The following ARL15 variants were observed in gnomAD, a reference collection of about 807,000 sequenced individuals.
The protein encoded by ARL15 is ADP-ribosylation factor-like protein 15.
Under a neutral mutation model 25.2 loss-of-function variants are expected in ARL15, and 19 were observed. The ratio of observed to expected loss-of-function variants is 0.75; its 90% CI spans 0.53 to 1.10. The LOEUF is 1.10. Among genes scored for constraint, ARL15 ranks in the 50% least tolerant of loss-of-function variants. The pLI, the probability that ARL15 is intolerant of heterozygous loss-of-function variation, is 0.00. For synonymous variants in ARL15, 94 were observed against 86.8 expected (o/e 1.08, Z -0.46); for missense variants, 220 against 246.0 (o/e 0.89, Z 0.71).
At chr5:54,298,682 C>T (rs1040852359) in intron 1 of ARL15, among the ~76,000 whole-genome samples, 1 of 152,090 alleles carries the variant, frequency 6.6e-6, no homozygotes, top group Non-Finnish European at 1.5e-5. Context: ...CCATGACAGC[C>T]CTCTGGCCAA....
intron 1 of ARL15, among the ~76,000 whole-genome samples, chr5:54,205,959 T>TC: frequency 6.6e-6 from 1 of 152,230 alleles, no homozygotes; most frequent in East Asian, 1.9e-4. Context: ...TTGTCCTCCT[T>TC]CCCCCTTATT....
intron 4 of ARL15, among the ~76,000 whole-genome samples, chr5:53,970,078 A>G (rs1044840299): frequency 1.3e-5 from 2 of 152,226 alleles, no homozygotes; most frequent in African/African-American, 4.8e-5. Flanking sequence ...AATATCTCAC[A>G]GGCTTCATAG....
chr5:54,058,910 C>A (rs1033017451), intron 4 of ARL15, among the ~76,000 whole-genome samples: 1 of 152,140 alleles, frequency 6.6e-6, no homozygotes, highest in South Asian at 2.1e-4. Context: ...ATTGCTGTTG[C>A]ACATCAGGAG....
At chr5:54,108,338 C>T (rs557943857) in intron 4 of ARL15, among the ~76,000 whole-genome samples, 4 of 152,172 alleles carry the variant, frequency 2.6e-5, no homozygotes, top group East Asian at 1.9e-4. Context: ...AATAAGTATA[C>T]GTCCCATAGG....
chr5:54,304,564 T>C (rs961318955), intron 1 of ARL15, among the ~76,000 whole-genome samples: 2 of 152,338 alleles, frequency 1.3e-5, no homozygotes, highest in East Asian at 3.9e-4. Flanking sequence ...CACAGAAGTT[T>C]GGGAACCAGA....
chr5:53,997,905 T>A (rs561012430), intron 4 of ARL15, among the ~76,000 whole-genome samples: 109 of 152,178 alleles, frequency 7.2e-4, no homozygotes, highest in African/African-American at 2.5e-3. Flanking sequence ...TTTGCAAAAA[T>A]TTGTGATTAG....
chr5:53,976,484 G>A (rs1191264348), intron 4 of ARL15, among the ~76,000 whole-genome samples: 1 of 152,132 alleles, frequency 6.6e-6, no homozygotes, highest in Non-Finnish European at 1.5e-5. Flanking sequence ...TGGATATGGG[G>A]AGCCACTTAA....
At chr5:53,914,137 C>CCACACACACA (rs3842045) in intron 4 of ARL15, among the ~76,000 whole-genome samples, 47 of 148,670 alleles carry the variant, frequency 3.2e-4, no homozygotes, top group East Asian at 1.2e-3. Flanking sequence ...GTGCACAGGC[C>CCACACACACA]CACACACACA....
At chr5:53,946,258 A>C (rs1213001) in intron 4 of ARL15, among the ~76,000 whole-genome samples, 5 of 152,242 alleles carry the variant, frequency 3.3e-5, no homozygotes, top group African/African-American at 1.2e-4. Context: ...GTTTGAGACC[A>C]GCCTGGCCAA....
chr5:53,981,206 CATT>C (rs1385211310), intron 4 of ARL15, among the ~76,000 whole-genome samples: 3 of 152,008 alleles, frequency 2.0e-5, no homozygotes, highest in East Asian at 3.9e-4. Context: ...ATTTCCTAAT[CATT>C]ATTATTTATT....
intron 4 of ARL15, among the ~76,000 whole-genome samples, chr5:54,039,825 A>AAC (rs1466365756): frequency 2.6e-5 from 4 of 151,060 alleles, no homozygotes; most frequent in Admixed American, 1.3e-4. Context: ...AAAAAAAAAA[A>AAC]ACAAGGCAAA....
intron 4 of ARL15, among the ~76,000 whole-genome samples, chr5:54,022,283 T>G (rs148729610): frequency 1.1e-3 from 161 of 152,278 alleles, no homozygotes; most frequent in Middle Eastern, 3.4e-3. Flanking sequence ...TGCTTTGGCA[T>G]GCTGAGTGCT....
chr5:53,992,588 T>C (rs1748537401), intron 4 of ARL15, among the ~76,000 whole-genome samples: 2 of 152,208 alleles, frequency 1.3e-5, no homozygotes, highest in Admixed American at 6.5e-5. Context: ...TCCATTTAGG[T>C]TATACTAGGA....
chr5:54,122,992 T>C (rs376387360), intron 3 of ARL15, among the ~76,000 whole-genome samples: 1 of 152,210 alleles, frequency 6.6e-6, no homozygotes, highest in Non-Finnish European at 1.5e-5. Context: ...ATTAAGTTAA[T>C]TAATGAGTGA....
chr5:54,125,698 C>A (rs1405628076), intron 3 of ARL15, among the ~76,000 whole-genome samples: 2 of 152,176 alleles, frequency 1.3e-5, no homozygotes, highest in African/African-American at 4.8e-5. Flanking sequence ...ACAAGTGGAA[C>A]TGCTGGGTCA....
Position 54,126,448 on chromosome 5 carries a change from C to T in ARL15, c.254-13038G>A, listed in dbSNP as rs150699121. ...ATTCTTTACCCCTTATCCTTTATTC[C>T]TAATTCTCAATCAACTGCCCAACTT... is the stretch of plus-strand genomic sequence containing the variant. On this transcript the variant is annotated intron_variant, in intron 3 of 4. Coordinates refer to ENST00000504924, the MANE Select transcript of ARL15 (RefSeq NM_019087.3). 5.6e-3 allele frequency among the ~76,000 whole-genome samples: 854 copies of T among 152,258 alleles called. 10 individuals carry two copies. Among genetic ancestry groups the T allele is most frequent in the South Asian group, 8.7e-3 (42 of 4,812 alleles).
chr5:54,045,642 C>A (rs984424063), intron 4 of ARL15, among the ~76,000 whole-genome samples: 2 of 150,570 alleles, frequency 1.3e-5, no homozygotes, highest in Non-Finnish European at 2.9e-5. Flanking sequence ...TCATTTTTGG[C>A]TGTCTAATCT....
chr5:53,958,207 C>T (rs1747233235), intron 4 of ARL15, among the ~76,000 whole-genome samples: 2 of 149,714 alleles, frequency 1.3e-5, no homozygotes. Flanking sequence ...AAAAAAAAGA[C>T]AAATGCAAAA....
chr5:54,028,515 A>G (rs976833894), intron 4 of ARL15, among the ~76,000 whole-genome samples: 3 of 151,780 alleles, frequency 2.0e-5, no homozygotes, highest in Non-Finnish European at 4.4e-5. Flanking sequence ...GTAAATTAAA[A>G]AAAAAAAAAA....
Sources: allele counts gnomAD v4.1 joint callset (sites outside exome capture counted in the v4.1 genomes callset), GRCh38; gene constraint gnomAD v4.1.1; transcripts MANE v1.5; gene names NCBI Gene and HGNC (gene_info 2026-07-23, HGNC 2026-07-21).